The following PCDH15 variants were observed in gnomAD, a reference collection of about 807,000 sequenced individuals.
PCDH15 encodes the protein protocadherin related 15, also known as protocadherin-15.
Under a neutral mutation model 178.5 loss-of-function variants are expected in PCDH15, and 129 were observed. The observed-to-expected ratio is 0.72, with a 90% CI of 0.63 to 0.84. PCDH15 has a LOEUF of 0.84. Among genes scored for constraint, PCDH15 ranks in the 40% least tolerant of loss-of-function variants. The pLI is 0.00. For synonymous variants in PCDH15, 800 were observed against 732.0 expected, an observed-to-expected ratio of 1.09 and a Z score of -1.50; for missense variants, 2,230 against 2,099.9, an observed-to-expected ratio of 1.06 and a Z score of -1.21.
chr10:55,295,845 A>C (rs1417234148), intron 1 of PCDH15, among the ~76,000 whole-genome samples: 1 of 152,086 alleles, frequency 6.6e-6, no homozygotes, highest in South Asian at 2.1e-4. Flanking sequence ...GAGTTTTAGC[A>C]CGGACATCAC....
rs537522833 is a variant in PCDH15 at position 54,210,080 on chromosome 10, G to A, written c.1098+3856C>T. Among the ~76,000 whole-genome samples, 23 of 152,196 alleles carry A rather than the reference G, an allele frequency of 1.5e-4. No homozygotes were observed. In the Middle Eastern group the frequency reaches 0.014, roughly 90 times the overall value. ...CTGGCTAATTTTCTATGGCAAATATGTAATTTTTCTTTAGAAGAAACACAT... is the reference window on the plus strand; with the variant it reads ...CTGGCTAATTTTCTATGGCAAATATATAATTTTTCTTTAGAAGAAACACAT... On this transcript the variant is annotated intron_variant, in intron 10 of 37. Transcript: ENST00000644397.
chr10:55,585,526 A>T (rs1842709731), intron 2 of PCDH15, among the ~76,000 whole-genome samples: 1 of 151,884 alleles, frequency 6.6e-6, no homozygotes. Flanking sequence ...AAACACAAAA[A>T]ATTAGTGGGG....
chr10:54,635,191 A>T (rs1444705881), intron 2 of PCDH15, among the ~76,000 whole-genome samples: 1 of 150,628 alleles, frequency 6.6e-6, no homozygotes, highest in South Asian at 2.1e-4. Flanking sequence ...AAATAAATAA[A>T]TAATTTATTC....
chr10:54,591,473 A>G (rs1366924573), intron 2 of PCDH15, among the ~76,000 whole-genome samples: 2 of 152,152 alleles, frequency 1.3e-5, no homozygotes, highest in Admixed American at 6.6e-5. Flanking sequence ...ATTCTCCCCT[A>G]GAGCCTCCAG....
chr10:54,057,720 T>G (rs1590164608), intron 18 of PCDH15, among the ~76,000 whole-genome samples: 2 of 152,348 alleles, frequency 1.3e-5, no homozygotes, highest in African/African-American at 4.8e-5. Context: ...AAATTTCCAC[T>G]GCTAGTTTGA....
At chr10:54,766,715 A>G (rs11004559) in intron 1 of PCDH15, among the ~76,000 whole-genome samples, 14,654 of 151,802 alleles carry the variant, frequency 0.097, 1,467 homozygotes, top group East Asian at 0.47. Context: ...GGATCACAAG[A>G]TCAGGAGATA....
intron 4 of PCDH15, among the ~76,000 whole-genome samples, chr10:54,371,191 T>A (rs1947611581): frequency 6.6e-6 from 1 of 151,860 alleles, no homozygotes; most frequent in East Asian, 1.9e-4. Context: ...AATAATAAAT[T>A]TTATCCTCCA....
intron 1 of PCDH15, among the ~76,000 whole-genome samples, chr10:54,718,925 G>A (rs568860411): frequency 9.9e-5 from 15 of 151,866 alleles, no homozygotes; most frequent in African/African-American, 3.6e-4. Context: ...TTGAACTCCT[G>A]ACGTCCTGAT....
chr10:54,709,929 T>G (rs1299619568), intron 1 of PCDH15, among the ~76,000 whole-genome samples: 3 of 146,684 alleles, frequency 2.0e-5, no homozygotes, highest in African/African-American at 5.0e-5. Flanking sequence ...AAGTGTTTTT[T>G]AACACCTTTA....
At chr10:54,735,094 T>C (rs538033506) in intron 1 of PCDH15, among the ~76,000 whole-genome samples, 1 of 152,128 alleles carries the variant, frequency 6.6e-6, no homozygotes, top group South Asian at 2.1e-4. Flanking sequence ...TTAAAAAACA[T>C]CTGGTATATT....
intron 3 of PCDH15, among the ~76,000 whole-genome samples, chr10:54,453,402 G>A (rs1402593858): frequency 6.6e-6 from 1 of 151,864 alleles, no homozygotes; most frequent in Non-Finnish European, 1.5e-5. Flanking sequence ...ACTATCGCAA[G>A]GACAAAAAAC....
chr10:54,958,314 T>C (rs1449249827), intron 2 of PCDH15, among the ~76,000 whole-genome samples: 2 of 151,764 alleles, frequency 1.3e-5, no homozygotes, highest in Non-Finnish European at 3.0e-5. Context: ...AAAGAGAAAA[T>C]TGGTTTTGTC....
chr10:54,375,383 C>G (rs1013730377), intron 4 of PCDH15, among the ~76,000 whole-genome samples: 1 of 152,000 alleles, frequency 6.6e-6, no homozygotes, highest in African/African-American at 2.4e-5. Context: ...CAGAGAAAGG[C>G]AGAAACTAGA....
At position 54,954,503 on chromosome 10, in the gene PCDH15, C is replaced by T. The variant is rs562028579; in HGVS notation, c.-79-57003G>A. Among the ~76,000 whole-genome samples, 3 of 151,262 alleles carry T rather than the reference C, an allele frequency of 2.0e-5. No individual in the cohort carries two copies. The South Asian group carries it at 6.2e-4, about 31-fold the overall frequency. ...AGTCCTATGAAATTTAGCAATTTTG[C>T]TAATTTTTTATGACAGAACCTTGTC... is the stretch of plus-strand genomic sequence containing the variant. On this transcript the variant is annotated intron_variant, in intron 2 of 5. Transcript: ENST00000458638.
intron 2 of PCDH15, among the ~76,000 whole-genome samples, chr10:55,622,608 G>T (rs1837429843): frequency 6.6e-6 from 1 of 152,018 alleles, no homozygotes; most frequent in Non-Finnish European, 1.5e-5. Context: ...TATTTAAATT[G>T]AATGGCTGAT....
At chr10:55,391,734 C>T (rs1837798168) in intron 2 of PCDH15, among the ~76,000 whole-genome samples, 1 of 152,126 alleles carries the variant, frequency 6.6e-6, no homozygotes, top group Non-Finnish European at 1.5e-5. Flanking sequence ...GATCTACCCT[C>T]CTCAGCCTCC....
intron 1 of PCDH15, among the ~76,000 whole-genome samples, chr10:54,773,358 A>C (rs1394535625): frequency 6.6e-6 from 1 of 152,188 alleles, no homozygotes; most frequent in Non-Finnish European, 1.5e-5. Context: ...ATTTTTAATA[A>C]ATTAAAACTA....
At chr10:55,122,115 G>A (rs1194606886) in intron 2 of PCDH15, among the ~76,000 whole-genome samples, 1 of 152,150 alleles carries the variant, frequency 6.6e-6, no homozygotes, top group African/African-American at 2.4e-5. Flanking sequence ...TTTAGAGAAT[G>A]TTAAAGCATA....
intron 2 of PCDH15, among the ~76,000 whole-genome samples, chr10:55,615,636 G>A (rs1299156777): frequency 6.6e-6 from 1 of 152,110 alleles, no homozygotes; most frequent in Non-Finnish European, 1.5e-5. Context: ...GATAGGCTGA[G>A]GCAATAAGGT....
Sources: gnomAD v4.1 joint callset for allele counts (sites outside exome capture counted in the v4.1 genomes callset) on GRCh38, gnomAD v4.1.1 for gene constraint, MANE v1.5 for transcripts, NCBI Gene and HGNC (gene_info 2026-07-23, HGNC 2026-07-21) for gene names.